ARL8B: variants seen among roughly 807,000 people sequenced by gnomAD.
ARL8B encodes ADP-ribosylation factor-like protein 8B.
In ARL8B, 9 loss-of-function variants were observed where a neutral mutation model predicts 30.6. That is an observed-to-expected ratio of 0.29 (90% CI 0.18 to 0.51). ARL8B has a LOEUF of 0.51. Among genes scored for constraint, ARL8B ranks in the 20% least tolerant of loss-of-function variants. ARL8B has a pLI of 0.97. For missense variants in ARL8B, 130 were observed against 227.2 expected (o/e 0.57, Z 2.75); for synonymous variants, 74 against 76.0 (o/e 0.97, Z 0.14).
chr3:5,151,082 C>T (rs2054479379), intron 1 of ARL8B, among the ~76,000 whole-genome samples: 1 of 151,676 alleles, frequency 6.6e-6, no homozygotes, highest in African/African-American at 2.4e-5. Context: ...ATTTATTTTC[C>T]TTTGTTTATC....
chr3:5,172,033 C>A, intron 2 of ARL8B, 117 bp from the exon 3 acceptor site: 2 of 942,492 alleles, frequency 2.1e-6, no homozygotes, highest in Non-Finnish European at 3.2e-6. Context: ...GAGCACTTTG[C>A]CTCTAACATT....
chr3:5,163,564 T>G (rs777945043), intron 1 of ARL8B, among the ~76,000 whole-genome samples: 8 of 152,150 alleles, frequency 5.3e-5, no homozygotes, highest in Non-Finnish European at 1.0e-4. Flanking sequence ...TGAACATATT[T>G]TCTAGCACTT....
At chr3:5,132,790 A>G (rs2054294243) in intron 1 of ARL8B, among the ~76,000 whole-genome samples, 1 of 152,206 alleles carries the variant, frequency 6.6e-6, no homozygotes, top group Non-Finnish European at 1.5e-5. Context: ...TAAATGTACC[A>G]GACAAGGTCA....
chr3:5,124,698 G>C (rs6442936), intron 1 of ARL8B, among the ~76,000 whole-genome samples: 34,010 of 152,010 alleles, frequency 0.22, 4,528 homozygotes, highest in African/African-American at 0.37. Flanking sequence ...GGCTGGTCTT[G>C]AGCTCCTGGC....
At chr3:5,127,702 T>G (rs2054242840) in intron 1 of ARL8B, among the ~76,000 whole-genome samples, 1 of 151,728 alleles carries the variant, frequency 6.6e-6, no homozygotes, top group South Asian at 2.1e-4. Flanking sequence ...TGAAACCCCG[T>G]CTCTACTAAA....
chr3:5,142,665 C>T (rs1202982986), intron 1 of ARL8B, among the ~76,000 whole-genome samples: 1 of 152,048 alleles, frequency 6.6e-6, no homozygotes, highest in Non-Finnish European at 1.5e-5. Context: ...TTATTTTTAC[C>T]TTTTAGGGTT....
At chr3:5,177,279 A>G (rs757177489) in intron 6 of ARL8B, among the ~76,000 whole-genome samples, 1 of 152,222 alleles carries the variant, frequency 6.6e-6, no homozygotes, top group Admixed American at 6.5e-5. Flanking sequence ...AGCCCAAGGA[A>G]TCTGATCCAG....
chr3:5,173,974 T>G, intron 4 of ARL8B, 43 bp from the exon 5 acceptor site: 1 of 1,413,338 alleles, frequency 7.1e-7, no homozygotes, highest in Non-Finnish European at 1.0e-6. Flanking sequence ...CTGTGACTTT[T>G]TCTTGCATAA....
chr3:5,136,007 C>T (rs941097490), intron 1 of ARL8B, among the ~76,000 whole-genome samples: 4 of 151,442 alleles, frequency 2.6e-5, no homozygotes, highest in African/African-American at 7.3e-5. Flanking sequence ...AGGCTGATGT[C>T]GAACTCCTGA....
At chr3:5,123,916 C>T (rs1194322713) in intron 1 of ARL8B, among the ~76,000 whole-genome samples, 1 of 152,198 alleles carries the variant, frequency 6.6e-6, no homozygotes, top group African/African-American at 2.4e-5. Flanking sequence ...CTTTGTCCCC[C>T]AGGCTGGAGT....
At chr3:5,123,249 T>C (rs2054199586) in intron 1 of ARL8B, among the ~76,000 whole-genome samples, 1 of 152,180 alleles carries the variant, frequency 6.6e-6, no homozygotes, top group Non-Finnish European at 1.5e-5. Context: ...CTAGATAAGA[T>C]GGATCTGCAG....
intron 1 of ARL8B, chr3:5,157,093 T>C (rs569851040): frequency 1.3e-5 from 2 of 152,378 alleles, no homozygotes; most frequent in African/African-American, 4.8e-5. Flanking sequence ...GGCCACAAGA[T>C]CCAACCCACC....
intron 1 of ARL8B, among the ~76,000 whole-genome samples, chr3:5,126,428 T>C (rs2054230370): frequency 6.6e-6 from 1 of 152,254 alleles, no homozygotes; most frequent in Admixed American, 6.5e-5. Context: ...AAGCTTCAGC[T>C]GAAGCCAATT....
chr3:5,141,722 GT>G (rs2054375035), intron 1 of ARL8B, among the ~76,000 whole-genome samples: 2 of 152,140 alleles, frequency 1.3e-5, no homozygotes, highest in South Asian at 4.1e-4. Flanking sequence ...AAAGTATAAC[GT>G]TTCCCACCCA....
intron 1 of ARL8B, among the ~76,000 whole-genome samples, chr3:5,157,392 C>T (rs1163998326): frequency 6.6e-6 from 1 of 152,172 alleles, no homozygotes; most frequent in African/African-American, 2.4e-5. Context: ...CTTCCTGGTC[C>T]TGAGCCTGGA....
intron 1 of ARL8B, among the ~76,000 whole-genome samples, chr3:5,150,190 C>T (rs749174159): frequency 6.6e-6 from 1 of 152,096 alleles, no homozygotes; most frequent in African/African-American, 2.4e-5. Context: ...GGGCTGGGCA[C>T]GGTGGCTTAC....
chr3:5,136,224 T>G (rs1369092839), intron 1 of ARL8B, among the ~76,000 whole-genome samples: 1 of 152,190 alleles, frequency 6.6e-6, no homozygotes, highest in Non-Finnish European at 1.5e-5. Flanking sequence ...GATTATTTTA[T>G]AAAATGTTTT....
chr3:5,122,664 TGG>T (rs2054192078), intron 1 of ARL8B, 76 bp downstream of exon 1: 2 of 1,503,282 alleles, frequency 1.3e-6, no homozygotes, highest in South Asian at 2.6e-5. Context: ...AGGCCTGAGT[TGG>T]GGCCCCCCTC....
chr3:5,174,777 CAT>C (rs1438595819), intron 6 of ARL8B, among the ~76,000 whole-genome samples: 9 of 139,916 alleles, frequency 6.4e-5, no homozygotes, highest in Middle Eastern at 3.4e-3. Flanking sequence ...TTATATATAA[CAT>C]AAATATATAT....
Sources: allele counts gnomAD v4.1 joint callset (sites outside exome capture counted in the v4.1 genomes callset), GRCh38; gene constraint gnomAD v4.1.1; transcripts MANE v1.5; gene names NCBI Gene and HGNC (gene_info 2026-07-23, HGNC 2026-07-21).